NAV2: variants seen among roughly 807,000 people sequenced by gnomAD.
NAV2 encodes neuron navigator 2, also known as helicase, APC down-regulated 1.
In NAV2, 54 loss-of-function variants were observed where a neutral mutation model predicts 223.2. The ratio of observed to expected loss-of-function variants is 0.24; its 90% CI spans 0.19 to 0.30. NAV2 has a LOEUF of 0.30. Among genes scored for constraint, NAV2 ranks in the 10% least tolerant of loss-of-function variants. The probability of loss-of-function intolerance (pLI) is 1.00; values close to 1 mark genes in which losing one functional copy is unlikely to be tolerated. For missense variants in NAV2, 2,806 were observed against 3,147.5 expected, an observed-to-expected ratio of 0.89 and a Z score of 2.60; for synonymous variants, 1,279 against 1,239.3, an observed-to-expected ratio of 1.03 and a Z score of -0.67.
intron 22 of NAV2, among the ~76,000 whole-genome samples, chr11:20,077,318 G>A (rs1208673724): frequency 2.0e-5 from 3 of 152,094 alleles, no homozygotes; most frequent in African/African-American, 4.8e-5. Context: ...ATTTCAGGTA[G>A]AGGGGAAAAG....
At chr11:19,770,149 CAGAGGGCAAAAGTT>C in intron 1 of NAV2, among the ~76,000 whole-genome samples, 1 of 152,184 alleles carries the variant, frequency 6.6e-6, no homozygotes, top group South Asian at 2.1e-4. Context: ...AAAACCAGAA[CAGAGGGCAAAAGTT>C]AGAAGCCATT....
At position 19,452,249 on chromosome 11, in the gene NAV2, G is replaced by A. The variant is rs563079739; in HGVS notation, c.75+101222G>A. On this transcript the variant is annotated intron_variant, in intron 1 of 37. Coordinates refer to the NAV2 transcript ENST00000360655. ...GAACTAAAGGCAAATTTAAGAGATTGCTTTTAAAAAATTAAGAATCAAATA... is the reference window on the plus strand; with the variant it reads ...GAACTAAAGGCAAATTTAAGAGATTACTTTTAAAAAATTAAGAATCAAATA... Among the ~76,000 whole-genome samples, 5 of 152,204 alleles carry A rather than the reference G, an allele frequency of 3.3e-5. 1 individual carries two copies. In the South Asian group the frequency reaches 1.0e-3, roughly 32 times the overall value.
At chr11:19,430,562 A>G (rs1045159167) in intron 1 of NAV2, among the ~76,000 whole-genome samples, 8 of 152,196 alleles carry the variant, frequency 5.3e-5, no homozygotes, top group Admixed American at 4.6e-4. Context: ...GCTTCAGCTC[A>G]TGGGCAGCAA....
chr11:19,663,312 A>G (rs559771437), intron 1 of NAV2, among the ~76,000 whole-genome samples: 1 of 152,342 alleles, frequency 6.6e-6, no homozygotes, highest in Admixed American at 6.5e-5. Context: ...TATGGTGGGC[A>G]TTGTGCTGAG....
chr11:19,782,349 A>G (rs1364340688), intron 1 of NAV2, among the ~76,000 whole-genome samples: 1 of 152,216 alleles, frequency 6.6e-6, no homozygotes, highest in Non-Finnish European at 1.5e-5. Flanking sequence ...AGGGAAGGAG[A>G]GAAAGCCTCT....
At position 19,418,745 on chromosome 11, in the gene NAV2, G is replaced by A. The variant is rs116276743; in HGVS notation, c.75+67718G>A. 5.7e-3 allele frequency among the ~76,000 whole-genome samples: 865 copies of A among 152,250 alleles called. 2 individuals carry two copies. Among genetic ancestry groups the A allele is most frequent in the African/African-American group, 0.019 (802 of 41,546 alleles). On this transcript the variant is annotated intron_variant, in intron 1 of 37. Transcript: ENST00000360655. ...AAAATGGCTTGGGGCATTTTTCTAAGGGTCGTCCAAAGCCATTGAAGGGCT... is the reference window on the plus strand; with the variant it reads ...AAAATGGCTTGGGGCATTTTTCTAAAGGTCGTCCAAAGCCATTGAAGGGCT...
intron 12 of NAV2, among the ~76,000 whole-genome samples, chr11:20,038,187 G>A (rs116419484): frequency 9.9e-4 from 150 of 152,248 alleles, no homozygotes; most frequent in African/African-American, 3.3e-3. Context: ...TGATACAGTC[G>A]CCCCAGCTCT....
chr11:20,110,627 C>T (rs181877020), intron 36 of NAV2, among the ~76,000 whole-genome samples: 8 of 152,318 alleles, frequency 5.3e-5, no homozygotes, highest in Admixed American at 4.6e-4. Flanking sequence ...ATCCTGAGGA[C>T]ACCCATCACT....
intron 3 of NAV2, among the ~76,000 whole-genome samples, chr11:19,864,802 G>A (rs945958965): frequency 7.2e-5 from 11 of 152,184 alleles, no homozygotes; most frequent in African/African-American, 2.7e-4. Context: ...CAAACAAAGG[G>A]AATTCTGGGG....
At chr11:19,929,578 C>A (rs2045128245) in intron 6 of NAV2, among the ~76,000 whole-genome samples, 1 of 152,124 alleles carries the variant, frequency 6.6e-6, no homozygotes, top group South Asian at 2.1e-4. Context: ...TGAAATGCCC[C>A]CATGACTTAA....
At chr11:19,383,399 A>G (rs1848918642) in intron 1 of NAV2, among the ~76,000 whole-genome samples, 1 of 152,222 alleles carries the variant, frequency 6.6e-6, no homozygotes, top group Non-Finnish European at 1.5e-5. Flanking sequence ...CCCCAGCATT[A>G]AACTATGATG....
intron 1 of NAV2, among the ~76,000 whole-genome samples, chr11:19,474,253 G>C (rs888484981): frequency 1.3e-5 from 2 of 152,222 alleles, no homozygotes; most frequent in African/African-American, 4.8e-5. Context: ...GCAATGCAAG[G>C]CCAGCCCAGT....
chr11:19,879,052 C>G (rs1047266167), intron 4 of NAV2, among the ~76,000 whole-genome samples: 4 of 152,184 alleles, frequency 2.6e-5, no homozygotes, highest in Admixed American at 2.6e-4. Context: ...ACTTCACTCT[C>G]AGGATCTGCT....
At position 20,098,159 on chromosome 11, in the gene NAV2, T is replaced by G. The variant is rs550410908; in HGVS notation, c.6181+414T>G. On this transcript the variant is annotated intron_variant, in intron 31 of 37. Transcript: ENST00000349880. The stretch of plus-strand genomic sequence containing the variant: ...AGCATCCTGATGAAACTGCTGAAGC[T>G]TGTGCCCACGCATGATGCTGCTAGA... Among the ~76,000 whole-genome samples, 24 of 152,302 alleles carry G rather than the reference T, an allele frequency of 1.6e-4. No homozygotes were observed. The South Asian group carries it at 4.8e-3, about 30-fold the overall frequency.
chr11:20,039,675 C>G (rs1395594176), intron 12 of NAV2, among the ~76,000 whole-genome samples: 1 of 152,238 alleles, frequency 6.6e-6, no homozygotes, highest in African/African-American at 2.4e-5. Flanking sequence ...TCTGTACATT[C>G]AGTATTTTCT....
chr11:19,880,052 C>A lies in NAV2; in HGVS notation c.695C>A (p.Thr232Asn). 6.2e-7 allele frequency: 1 copy of A among 1,613,494 alleles called. No individual in the cohort carries two copies. The highest frequency in any genetic ancestry group is 1.1e-5 in the South Asian group (1 of 90,986). ...AGTPQQQVPV[T>N]PQAPCQPHQP... ...ACCCCTCAGCAGCAGGTGCCAGTCA[C>A]TCCCCAAGCCCCGTGCCAGCCTCAC... Residue 232 changes from threonine (T) to asparagine (N), a missense_variant, in exon 5 of 38, where the codon ACT becomes AAT. Transcript: ENST00000349880.
At chr11:20,091,050 G>A (rs2060807671) in intron 27 of NAV2, 32 bp downstream of exon 27, 17 of 1,606,360 alleles carry the variant, frequency 1.1e-5, no homozygotes, top group Non-Finnish European at 1.4e-5. Flanking sequence ...CTGAGCTCAA[G>A]GCTGTCTATG....
chr11:19,383,363 A>G (rs1297004964), intron 1 of NAV2, among the ~76,000 whole-genome samples: 1 of 152,236 alleles, frequency 6.6e-6, no homozygotes, highest in African/African-American at 2.4e-5. Context: ...TTGAATAGCT[A>G]CATGGAGCAA....
rs886737659 is a variant in NAV2, at chr11:19,686,206, A to G, written c.76-146278A>G. ...TGGTGACATCGCTGCCTCCACGACCATGTCACTTGCTTCATACCACAGATA... is the reference window on the plus strand; with the variant it reads ...TGGTGACATCGCTGCCTCCACGACCGTGTCACTTGCTTCATACCACAGATA... On this transcript the variant is annotated intron_variant, in intron 1 of 37. Transcript: ENST00000360655. Among the ~76,000 whole-genome samples, 16 of 152,148 alleles carry G rather than the reference A, an allele frequency of 1.1e-4. 1 individual carries two copies. The highest frequency in any genetic ancestry group is 6.8e-3 in the Middle Eastern group (2 of 294).
Sources: allele counts gnomAD v4.1 joint callset (sites outside exome capture counted in the v4.1 genomes callset), GRCh38; gene constraint gnomAD v4.1.1; transcripts MANE v1.5; gene names NCBI Gene and HGNC (gene_info 2026-07-23, HGNC 2026-07-21).